The following CTH variants were observed in gnomAD, a reference collection of about 807,000 sequenced individuals.
CTH encodes cystathionine gamma-lyase, also known as cystathionase (cystathionine gamma-lyase).
In CTH, 41 loss-of-function variants were observed where a neutral mutation model predicts 50.6. That is an observed-to-expected ratio of 0.81 (90% CI 0.63 to 1.05). The LOEUF is 1.05. Ranked by LOEUF, CTH falls within the 50% of genes least tolerant of loss-of-function variation. CTH has a pLI of 0.00. For synonymous variants in CTH, 156 were observed against 168.9 expected (o/e 0.92, Z 0.59); for missense variants, 470 against 492.6 (o/e 0.95, Z 0.43).
chr1:70,431,608 T>C (rs1557471378), intron 7 of CTH, among the ~76,000 whole-genome samples: 1 of 152,328 alleles, frequency 6.6e-6, no homozygotes, highest in East Asian at 1.9e-4. Flanking sequence ...CTTTGGTTTA[T>C]AAAAAGTAGA....
intron 10 of CTH, among the ~76,000 whole-genome samples, chr1:70,436,623 A>G (rs551659407): frequency 5.3e-5 from 8 of 152,048 alleles, no homozygotes; most frequent in East Asian, 1.9e-4. Flanking sequence ...CTGTCTTTGT[A>G]TAGGAGTTTA....
In CTH at chr1:70,416,003, AAAAGC is replaced by A; in HGVS notation, c.218_222del (p.Lys73SerfsTer8). ...GAAATCCCACTAGGAATTGCCTTGA[AAAAGC>A]AGTGGCAGCACTGGATGGGGCTAAG... On this transcript the variant is annotated frameshift_variant, in exon 2 of 12. Coordinates refer to ENST00000370938, the MANE Select transcript of CTH (RefSeq NM_001902.6). LOFTEE classifies it high-confidence loss of function. 6.2e-7 allele frequency: 1 copy of A among 1,609,878 alleles called. No individual in the cohort carries two copies. The highest frequency in any genetic ancestry group is 8.5e-7 in the Non-Finnish European group (1 of 1,176,092).
intron 4 of CTH, 91 bp from the exon 5 acceptor site, chr1:70,424,194 C>A: frequency 6.2e-7 from 1 of 1,602,032 alleles, no homozygotes; most frequent in Non-Finnish European, 8.5e-7. Flanking sequence ...TTCCATTATA[C>A]AATGTAGCTT....
Position 70,411,559 on chromosome 1 carries a change from G to C in CTH, c.144G>C (p.Lys48Asn), listed in dbSNP as rs780695811. 6 of 1,614,020 alleles carry C rather than the reference G, an allele frequency of 3.7e-6. No individual in the cohort carries two copies. The highest frequency in any genetic ancestry group is 5.1e-6 in the Non-Finnish European group (6 of 1,179,912). Residue 48 changes from lysine (K) to asparagine (N), a missense_variant, in exon 1 of 12, where the codon AAG (lysine) becomes AAC (asparagine). Physicochemically the swap from Lys to Asn is moderately conservative, Grantham distance 94. Coordinates refer to ENST00000370938, the MANE Select transcript of CTH (RefSeq NM_001902.6). ...VPPISLSTTF[K>N]QGAPGQHSGF... ...CCATCTCACTGTCCACCACGTTCAA[G>C]CAAGGGGCGCCTGGCCAGCACTCGG...
chr1:70,433,732 T>A (rs1684531798), intron 8 of CTH, 96 bp from the exon 9 acceptor site: 1 of 1,567,152 alleles, frequency 6.4e-7, no homozygotes, highest in Non-Finnish European at 8.7e-7. Flanking sequence ...CTTAGGCTTA[T>A]TTGCAGTTAA....
chr1:70,420,631 G>A (rs1385203055), intron 3 of CTH, among the ~76,000 whole-genome samples: 2 of 152,136 alleles, frequency 1.3e-5, no homozygotes, highest in Admixed American at 6.5e-5. Flanking sequence ...CCTGGGTTGG[G>A]GACCCCTGCT....
Position 70,439,150 on chromosome 1 carries a change from G to A in CTH, c.*23G>A. ...TAGTATTCCAGAGCTGCTATTAGAA[G>A]CTGCTTCCTGTGAAGATCAAATCTT... is the stretch of plus-strand genomic sequence containing the variant. On this transcript the variant is annotated 3_prime_UTR_variant, in exon 12 of 12. Transcript: ENST00000370938. 3.7e-6 allele frequency: 6 copies of A among 1,607,364 alleles called. No individual in the cohort carries two copies. The highest frequency in any genetic ancestry group is 5.1e-6 in the Non-Finnish European group (6 of 1,173,842).
At position 70,415,310 on chromosome 1, in the gene CTH, C is replaced by T. The variant is rs186211203; in HGVS notation, c.169-646C>T. Among the ~76,000 whole-genome samples the T allele has an allele frequency of 7.6e-4, 116 of 152,080 alleles. 2 individuals carry two copies. In the East Asian group the frequency reaches 0.019, roughly 25 times the overall value. On this transcript the variant is annotated intron_variant, in intron 1 of 11. Coordinates refer to ENST00000370938, the MANE Select transcript of CTH (RefSeq NM_001902.6). ...TCTTAGCTACTCAGGAGGCTGAGAT[C>T]GGAGGATTGCTTAAGCCCAGGAGTT...
intron 1 of CTH, among the ~76,000 whole-genome samples, chr1:70,414,210 C>A (rs1314644114): frequency 6.6e-6 from 1 of 151,164 alleles, no homozygotes; most frequent in East Asian, 2.0e-4. Context: ...TATCCTGGAG[C>A]CCTATAAAAT....
chr1:70,420,693 A>C (rs1361057012), intron 3 of CTH, among the ~76,000 whole-genome samples: 1 of 152,168 alleles, frequency 6.6e-6, no homozygotes, highest in Non-Finnish European at 1.5e-5. Flanking sequence ...AGAAATTTGC[A>C]CAATGTTTCG....
In CTH at chr1:70,433,868, G is replaced by T; in HGVS notation, c.918G>T (p.Gln306His). ...SHPQHELVKR[Q>H]CTGCTGMVTF... ...CACAGCATGAGTTGGTGAAGCGTCA[G>T]TGTACAGGTTGTACAGGGATGGTCA... is the stretch of plus-strand genomic sequence containing the variant. Residue 306 changes from glutamine (Q) to histidine (H), a missense_variant, in exon 9 of 12, where the codon CAG becomes CAT. Transcript: ENST00000370938. The T allele has an allele frequency of 6.2e-7, 1 of 1,614,138 alleles. No individual in the cohort carries two copies. The highest frequency in any genetic ancestry group is 1.1e-5 in the South Asian group (1 of 91,082).
Position 70,421,620 on chromosome 1 carries a change from T to C in CTH, c.401T>C (p.Phe134Ser). Residue 134 changes from phenylalanine (F) to serine (S), a missense_variant, in exon 4 of 12, where the codon TTT becomes TCT. Coordinates refer to ENST00000370938, the MANE Select transcript of CTH (RefSeq NM_001902.6). ...VASEFGLKIS[F>S]VDCSKIKLLE... ...TCTGAATTTGGATTAAAGATTTCTT[T>C]TGTTGATTGTTCCAAAATCAAATTA... 6.2e-7 allele frequency: 1 copy of C among 1,613,984 alleles called. No individual in the cohort carries two copies. The highest frequency in any genetic ancestry group is 8.5e-7 in the Non-Finnish European group (1 of 1,179,920).
chr1:70,427,958 C>T (rs1224269366), intron 5 of CTH, among the ~76,000 whole-genome samples: 2 of 152,152 alleles, frequency 1.3e-5, no homozygotes, highest in Non-Finnish European at 2.9e-5. Context: ...AGTGATCCAC[C>T]TGCCTAGGCC....
At position 70,438,789 on chromosome 1, in the gene CTH, A is replaced by T. The variant is rs370657238; in HGVS notation, c.1154A>T (p.Asp385Val). 1.2e-5 allele frequency: 19 copies of T among 1,613,734 alleles called. No individual in the cohort carries two copies. Among genetic ancestry groups the T allele is most frequent in the Non-Finnish European group, 1.6e-5 (19 of 1,179,982 alleles). The change falls in exon 11 of 12, where the codon GAC becomes GTC. Residue 385 changes from aspartate (D) to valine (V), a missense_variant. Transcript: ENST00000370938. ...RLSVGLEDEE[D>V]LLEDLDQALK... The stretch of plus-strand genomic sequence containing the variant: ...TCTGTGGGCTTAGAGGATGAGGAAG[A>T]CCTACTGGAAGATCTAGATCAAGCT...
At chr1:70,438,287 G>A (rs1684639290) in intron 10 of CTH, among the ~76,000 whole-genome samples, 1 of 152,146 alleles carries the variant, frequency 6.6e-6, no homozygotes, top group Non-Finnish European at 1.5e-5. Flanking sequence ...ACAGGCTCTT[G>A]GTCCAAGAGA....
In CTH at chr1:70,439,157, C is replaced by G. The variant is rs777190378; in HGVS notation, c.*30C>G. On this transcript the variant is annotated 3_prime_UTR_variant, in exon 12 of 12. Transcript: ENST00000370938. ...CCAGAGCTGCTATTAGAAGCTGCTT[C>G]CTGTGAAGATCAAATCTTCCTGAGT... 8.1e-6 allele frequency: 13 copies of G among 1,599,004 alleles called. No homozygotes were observed. In the East Asian group the frequency reaches 2.9e-4, roughly 36 times the overall value.
intron 5 of CTH, among the ~76,000 whole-genome samples, chr1:70,428,306 A>T (rs2101747834): frequency 6.6e-6 from 1 of 152,202 alleles, no homozygotes; most frequent in East Asian, 1.9e-4. Context: ...ATAGAGGAAT[A>T]AGTTTTGGTG....
In CTH at chr1:70,438,840, TTGTGTGTG is replaced by T. The variant is rs58815241; in HGVS notation, c.1191+36_1191+43del. ...TTGAAGGCAGCAGTAAGTCTTATTA[TTGTGTGTG>T]TGTGTGTGTGTGTGTGTGTGTCTGC... On this transcript the variant is annotated intron_variant, in intron 11 of 11. Coordinates refer to ENST00000370938, the MANE Select transcript of CTH (RefSeq NM_001902.6). 204 of 1,558,722 alleles carry T rather than the reference TTGTGTGTG, an allele frequency of 1.3e-4. No individual in the cohort carries two copies. Among genetic ancestry groups the T allele is most frequent in the Middle Eastern group, 1.7e-4 (1 of 5,862 alleles).
intron 10 of CTH, 61 bp from the exon 11 acceptor site, chr1:70,438,627 C>T (rs1684648428): frequency 6.3e-7 from 1 of 1,593,554 alleles, no homozygotes; most frequent in East Asian, 2.2e-5. Context: ...GTTTATGAGA[C>T]AGAAACATGC....
Sources: gnomAD v4.1 joint callset for allele counts (sites outside exome capture counted in the v4.1 genomes callset) on GRCh38, gnomAD v4.1.1 for gene constraint, MANE v1.5 for transcripts, NCBI Gene and HGNC (gene_info 2026-07-23, HGNC 2026-07-21) for gene names.